Variants in KDM4B observed in about 807,000 individuals in gnomAD.
KDM4B encodes the protein lysine demethylase 4B.
A neutral mutation model predicts 125.2 loss-of-function variants in KDM4B; 32 were observed. The ratio of observed to expected loss-of-function variants is 0.26; its 90% CI spans 0.19 to 0.34. KDM4B has a LOEUF of 0.34. KDM4B is among the 10% of genes least tolerant of loss of function. The pLI, the probability that KDM4B is intolerant of heterozygous loss-of-function variation, is 1.00. For synonymous variants in KDM4B, 721 were observed against 677.9 expected (o/e 1.06, Z -0.99); for missense variants, 1,190 against 1,577.7 (o/e 0.75, Z 4.16).
At chr19:5,146,939 CAAAAAAAAAA>C (rs1182135277) in intron 21 of KDM4B, among the ~76,000 whole-genome samples, 10 of 60,558 alleles carry the variant, frequency 1.7e-4, no homozygotes, top group East Asian at 1.1e-3. Context: ...ACCCTGTCTC[CAAAAAAAAAA>C]AAAAAAAAAA....
Position 5,023,864 on chromosome 19 carries a change from A to G in KDM4B, c.-26+7525A>G, listed in dbSNP as rs565876878. 2.7e-5 allele frequency among the ~76,000 whole-genome samples: 4 copies of G among 148,084 alleles called. No homozygotes were observed. In the South Asian group the frequency reaches 6.3e-4, roughly 23 times the overall value. The stretch of plus-strand genomic sequence containing the variant: ...CTGCAGCCTCGATCTCCTGTGCTCA[A>G]GGAATCCTCCTGCCTCAGCCTCTAA... On this transcript the variant is annotated intron_variant, in intron 2 of 22. Transcript: ENST00000159111.
chr19:5,125,329 A>G (rs1156816657), intron 11 of KDM4B, among the ~76,000 whole-genome samples: 1 of 152,158 alleles, frequency 6.6e-6, no homozygotes, highest in Non-Finnish European at 1.5e-5. Flanking sequence ...ACTCAGGTTC[A>G]GGGAGGTCCT....
In KDM4B at chr19:5,128,176, G is replaced by A. The variant is rs561808834; in HGVS notation, c.1316-2900G>A. Among the ~76,000 whole-genome samples the A allele has an allele frequency of 2.0e-5, 3 of 152,174 alleles. No individual in the cohort carries two copies. The South Asian group carries it at 6.2e-4, about 32-fold the overall frequency. ...GCCCCGGCTGGAGTCCCCTGTGTGC[G>A]GAGCTGCCTGTTGTGTGTGAGGGGT... On this transcript the variant is annotated intron_variant, in intron 11 of 22. Coordinates refer to ENST00000159111, the MANE Select transcript of KDM4B (RefSeq NM_015015.3).
chr19:5,005,461 A>T (rs2035527401), intron 1 of KDM4B, among the ~76,000 whole-genome samples: 1 of 152,098 alleles, frequency 6.6e-6, no homozygotes, highest in Non-Finnish European at 1.5e-5. Context: ...AGGGGACCTC[A>T]TTGAGCTTCC....
intron 1 of KDM4B, among the ~76,000 whole-genome samples, chr19:4,998,252 G>T (rs1410054477): frequency 5.3e-5 from 8 of 152,222 alleles, no homozygotes; most frequent in Admixed American, 5.2e-4. Flanking sequence ...TTGTGTGGAA[G>T]GTTCCAGAAG....
intron 1 of KDM4B, among the ~76,000 whole-genome samples, chr19:5,000,092 A>G (rs2035331554): frequency 9.6e-6 from 1 of 104,198 alleles, no homozygotes; most frequent in Non-Finnish European, 1.9e-5. Context: ...CCACCCACCC[A>G]CCTACCAACC....
Position 5,042,823 on chromosome 19 carries a change from A to AC in KDM4B, c.432+1574dup, listed in dbSNP as rs528579381. ...GTGCAGCCACCTCCCACCCGGCCCCACCGCCGACACCGGGACCTGCAGTTC... is the reference window on the plus strand; with the variant it reads ...GTGCAGCCACCTCCCACCCGGCCCCACCCGCCGACACCGGGACCTGCAGTTC... On this transcript the variant is annotated intron_variant, in intron 5 of 22. Transcript: ENST00000159111. Among the ~76,000 whole-genome samples the AC allele has an allele frequency of 2.6e-5, 4 of 151,892 alleles. No homozygotes were observed. In the East Asian group the frequency reaches 7.8e-4, roughly 30 times the overall value.
At chr19:4,984,018 G>A (rs554406099) in intron 1 of KDM4B, among the ~76,000 whole-genome samples, 3 of 152,330 alleles carry the variant, frequency 2.0e-5, no homozygotes, top group East Asian at 1.9e-4. Context: ...GGGCAATTCT[G>A]TCTCTTAAGG....
intron 1 of KDM4B, among the ~76,000 whole-genome samples, chr19:4,999,311 G>A (rs930202977): frequency 4.6e-5 from 7 of 152,148 alleles, no homozygotes; most frequent in African/African-American, 1.4e-4. Flanking sequence ...GAAAGAGCCC[G>A]GTCGAGCTGG....
intron 9 of KDM4B, among the ~76,000 whole-genome samples, chr19:5,103,285 G>A (rs931412009): frequency 2.6e-5 from 4 of 152,232 alleles, no homozygotes; most frequent in South Asian, 2.1e-4. Flanking sequence ...TGGGCTCTGC[G>A]GCTGCTGGCT....
At chr19:5,088,588 G>A (rs2038581886) in intron 9 of KDM4B, among the ~76,000 whole-genome samples, 1 of 151,960 alleles carries the variant, frequency 6.6e-6, no homozygotes, top group South Asian at 2.1e-4. Context: ...TTCATCTGTG[G>A]GCCAGGGCTG....
At chr19:5,080,535 C>A (rs771183910) in intron 8 of KDM4B, among the ~76,000 whole-genome samples, 1 of 152,262 alleles carries the variant, frequency 6.6e-6, no homozygotes, top group Admixed American at 6.5e-5. Context: ...AGGACGGCCA[C>A]GTCAGAACAC....
chr19:4,984,887 T>A (rs147289411), intron 1 of KDM4B, among the ~76,000 whole-genome samples: 192 of 152,162 alleles, frequency 1.3e-3, no homozygotes, highest in Middle Eastern at 0.01. Flanking sequence ...AAACCCGAGG[T>A]CTCCCTGTAC....
chr19:5,049,472 T>C (rs858422), intron 6 of KDM4B, among the ~76,000 whole-genome samples: 114,924 of 151,714 alleles, frequency 0.76, 43,718 homozygotes, highest in East Asian at 0.94. Context: ...GTCTTGGTTT[T>C]TGCCCAGGAA....
rs748641924 is a variant in KDM4B at position 5,131,483 on chromosome 19, G to C, written c.1723G>C (p.Asp575His). ...CCCCATGGAGCTGACGGGGCCAGAGGACGGTGCAGCCAGCAGTGGGGCAGG... is the reference window on the plus strand; with the variant it reads ...CCCCATGGAGCTGACGGGGCCAGAGCACGGTGCAGCCAGCAGTGGGGCAGG... ...VSPMELTGPE[D>H]GAASSGAGRM... is the part of the protein sequence containing the mutation. Residue 575 changes from aspartate to histidine, a missense_variant, in exon 12 of 23, where the codon GAC (aspartate) becomes CAC (histidine). This residue lies in a region of KDM4B where 428 missense variants were observed against 405.1 expected (regional missense o/e 1.06). Coordinates refer to ENST00000159111, the MANE Select transcript of KDM4B (RefSeq NM_015015.3). 1 of 1,571,272 alleles carries C rather than the reference G, an allele frequency of 6.4e-7. No homozygotes were observed. Among genetic ancestry groups the C allele is most frequent in the Non-Finnish European group, 8.6e-7 (1 of 1,164,932 alleles).
Position 5,041,293 on chromosome 19 carries a change from G to A in KDM4B, c.432+42G>A, listed in dbSNP as rs763458608. ...GGGGAAGAACAGGGACCAGCTTCCT[G>A]GTGGGTGGTGGTGGGAGGGCCCTGA... On this transcript the variant is annotated intron_variant, in intron 5 of 22. Coordinates refer to ENST00000159111, the MANE Select transcript of KDM4B (RefSeq NM_015015.3). 9.5e-6 allele frequency: 14 copies of A among 1,470,298 alleles called. No homozygotes were observed. In the African/African-American group the frequency reaches 1.1e-4, roughly 12 times the overall value. 91.1% of individuals were successfully genotyped at this position (1,470,298 alleles called of 1,614,324 possible).
chr19:5,031,859 G>A (rs548060758), intron 2 of KDM4B, among the ~76,000 whole-genome samples: 1 of 152,356 alleles, frequency 6.6e-6, no homozygotes, highest in South Asian at 2.1e-4. Context: ...TCCCGGGACT[G>A]TCTGGGCGGC....
At chr19:5,060,562 G>A (rs1316301815) in intron 6 of KDM4B, among the ~76,000 whole-genome samples, 1 of 149,814 alleles carries the variant, frequency 6.7e-6, no homozygotes, top group East Asian at 2.1e-4. Context: ...ACCATCCTGT[G>A]CCTTTTAACA....
chr19:5,119,055 C>G, intron 10 of KDM4B: 4 of 1,031,552 alleles, frequency 3.9e-6, no homozygotes, highest in South Asian at 1.4e-5. Context: ...GTGGCCAGGA[C>G]CAGGCGTCCT....
Sources: gnomAD v4.1 joint callset for allele counts (sites outside exome capture counted in the v4.1 genomes callset) on GRCh38, gnomAD v4.1.1 for gene constraint, gnomAD v4.1.1 regional missense constraint, MANE v1.5 for transcripts, NCBI Gene and HGNC (gene_info 2026-07-23, HGNC 2026-07-21) for gene names.